GABPB1: variants seen among roughly 807,000 people sequenced by gnomAD.
GABPB1 encodes GA binding protein transcription factor subunit beta 1, also known as GA-binding protein subunit beta-1.
In GABPB1, 15 loss-of-function variants were observed where a neutral mutation model predicts 45.9. That is an observed-to-expected ratio of 0.33 (90% CI 0.22 to 0.50). GABPB1 has a LOEUF of 0.50. GABPB1 is among the 20% of genes least tolerant of loss of function. The pLI is 0.98. For missense variants in GABPB1, 252 were observed against 457.5 expected (o/e 0.55, Z 4.10); for synonymous variants, 143 against 154.4 (o/e 0.93, Z 0.55).
At chr15:50,354,621 C>A in intron 1 of GABPB1, 1 of 441,234 alleles carries the variant, frequency 2.3e-6, no homozygotes, top group Non-Finnish European at 4.5e-6. Flanking sequence ...TCCGCTGCCT[C>A]GGCGCGACCC....
At chr15:50,335,996 C>T (rs1336925705) in intron 1 of GABPB1, among the ~76,000 whole-genome samples, 2 of 151,690 alleles carry the variant, frequency 1.3e-5, no homozygotes, top group African/African-American at 4.8e-5. Context: ...TACAGCTGAC[C>T]CTTTAACAAC....
chr15:50,315,944 G>A (rs1427251856), intron 1 of GABPB1, among the ~76,000 whole-genome samples: 1 of 152,064 alleles, frequency 6.6e-6, no homozygotes, highest in African/African-American at 2.4e-5. Context: ...GCTGGGTGTG[G>A]TCCCAGCTAC....
intron 4 of GABPB1, among the ~76,000 whole-genome samples, chr15:50,302,135 A>T (rs922272380): frequency 7.0e-4 from 107 of 152,350 alleles, no homozygotes; most frequent in African/African-American, 2.5e-3. Context: ...AAATAAGAGA[A>T]GTAATGTTGG....
At chr15:50,285,868 T>C (rs2140975961) in intron 8 of GABPB1, 200 bp downstream of exon 8, 1 of 1,353,862 alleles carries the variant, frequency 7.4e-7, no homozygotes, top group East Asian at 2.8e-5. Flanking sequence ...AAACAAATTC[T>C]TCACTCACTC....
chr15:50,340,091 TA>T (rs1158373355), intron 1 of GABPB1, among the ~76,000 whole-genome samples: 2 of 152,188 alleles, frequency 1.3e-5, no homozygotes, highest in Non-Finnish European at 2.9e-5. Context: ...ATTCCATTCA[TA>T]ATTTCATGGA....
At chr15:50,345,720 GT>G (rs903956030) in intron 1 of GABPB1, among the ~76,000 whole-genome samples, 12 of 142,726 alleles carry the variant, frequency 8.4e-5, no homozygotes, top group Non-Finnish European at 1.5e-4. Flanking sequence ...ATTTTTTTTT[GT>G]TTTTTTTTTA....
intron 1 of GABPB1, among the ~76,000 whole-genome samples, chr15:50,336,525 T>A (rs8034492): frequency 0.063 from 9,404 of 150,054 alleles, 838 homozygotes; most frequent in African/African-American, 0.2. Context: ...TTTAAAAAAA[T>A]TTTTTTAATT....
Position 50,334,812 on chromosome 15 carries a change from G to A in GABPB1, c.-1+20173C>T, listed in dbSNP as rs548088806. On this transcript the variant is annotated intron_variant, in intron 1 of 8. Coordinates refer to ENST00000380877, the MANE Select transcript of GABPB1 (RefSeq NM_016654.5). ...TGCCACTTAAAAACAATCATTTCCTGTTCCCTATTCTCAAATTTGTCACTT... is the reference window on the plus strand; with the variant it reads ...TGCCACTTAAAAACAATCATTTCCTATTCCCTATTCTCAAATTTGTCACTT... 7.9e-5 allele frequency among the ~76,000 whole-genome samples: 12 copies of A among 152,150 alleles called. No homozygotes were observed. In the South Asian group the frequency reaches 2.5e-3, roughly 32 times the overall value.
intron 1 of GABPB1, chr15:50,354,599 G>T (rs967409150): frequency 6.7e-6 from 3 of 446,166 alleles, no homozygotes; most frequent in Non-Finnish European, 1.3e-5. Context: ...ACCTCCAGTC[G>T]CCCGCAGAAC....
At chr15:50,287,838 A>G (rs544287613) in intron 7 of GABPB1, among the ~76,000 whole-genome samples, 29 of 152,344 alleles carry the variant, frequency 1.9e-4, no homozygotes, top group Non-Finnish European at 2.9e-4. Context: ...AGATTTCAGC[A>G]GAGTGGGACA....
At chr15:50,295,835 G>A (rs2046490985) in intron 6 of GABPB1, among the ~76,000 whole-genome samples, 1 of 151,022 alleles carries the variant, frequency 6.6e-6, no homozygotes, top group Non-Finnish European at 1.5e-5. Context: ...GTAATTCAAT[G>A]AGCTATTTTA....
At chr15:50,352,723 CGAA>C (rs1393522403) in intron 1 of GABPB1, 1 of 152,174 alleles carries the variant, frequency 6.6e-6, no homozygotes, top group Non-Finnish European at 1.5e-5. Context: ...AACAATTACA[CGAA>C]GAATGACCAG....
At chr15:50,283,758 C>T (rs1386083559) in intron 8 of GABPB1, among the ~76,000 whole-genome samples, 3 of 152,136 alleles carry the variant, frequency 2.0e-5, no homozygotes, top group Non-Finnish European at 2.9e-5. Flanking sequence ...GTGATCCACC[C>T]ACCTTGGCCT....
intron 1 of GABPB1, chr15:50,354,249 T>C (rs747972297): frequency 8.4e-6 from 3 of 358,154 alleles, no homozygotes; most frequent in Non-Finnish European, 1.6e-5. Context: ...CCCGCAGTTC[T>C]CGGCGGCGAA....
intron 1 of GABPB1, among the ~76,000 whole-genome samples, chr15:50,337,912 A>C (rs754689194): frequency 2.0e-5 from 3 of 152,240 alleles, no homozygotes; most frequent in Non-Finnish European, 4.4e-5. Flanking sequence ...ACTTAATTTT[A>C]GACTCTGGCC....
chr15:50,279,168 A>C (rs1007901264), intron 8 of GABPB1, among the ~76,000 whole-genome samples: 1 of 152,184 alleles, frequency 6.6e-6, no homozygotes, highest in Admixed American at 6.6e-5. Context: ...AAAAGGTAAT[A>C]ATTATAAAAC....
chr15:50,285,908 G>A, intron 8 of GABPB1, 160 bp downstream of exon 8: 1 of 1,378,098 alleles, frequency 7.3e-7, no homozygotes, highest in Non-Finnish European at 9.4e-7. Context: ...ATTTATTGAG[G>A]GCTTGCTATA....
chr15:50,335,981 T>C (rs2048110501), intron 1 of GABPB1, among the ~76,000 whole-genome samples: 1 of 151,774 alleles, frequency 6.6e-6, no homozygotes, highest in Non-Finnish European at 1.5e-5. Flanking sequence ...GTGACCTTCC[T>C]GATGTACAGC....
intron 6 of GABPB1, among the ~76,000 whole-genome samples, chr15:50,290,388 C>T (rs1223202408): frequency 6.6e-6 from 1 of 151,956 alleles, no homozygotes; most frequent in Non-Finnish European, 1.5e-5. Context: ...GTCAGGAGTT[C>T]GGGACTAGCC....
Sources: gnomAD v4.1 joint callset for allele counts (sites outside exome capture counted in the v4.1 genomes callset) on GRCh38, gnomAD v4.1.1 for gene constraint, MANE v1.5 for transcripts, NCBI Gene and HGNC (gene_info 2026-07-23, HGNC 2026-07-21) for gene names.